Variants in TMEM156 observed in about 807,000 individuals in gnomAD.
The protein encoded by TMEM156 is transmembrane protein 156.
TMEM156 carries 28 observed loss-of-function variants against 30.5 expected under a neutral mutation model. The ratio of observed to expected loss-of-function variants is 0.92; its 90% CI spans 0.68 to 1.26. The LOEUF (loss-of-function observed/expected upper bound fraction) is 1.26, where lower values mean the gene tolerates loss of function less well. Among genes scored for constraint, TMEM156 ranks in the 50% most tolerant of loss-of-function variants. TMEM156 has a pLI of 0.00. For missense variants in TMEM156, 351 were observed against 340.6 expected (o/e 1.03, Z -0.24); for synonymous variants, 137 against 119.9 (o/e 1.14, Z -0.93).
At chr4:38,980,796 G>T in intron 5 of TMEM156, 1 of 330,832 alleles carries the variant, frequency 3.0e-6, no homozygotes, top group Non-Finnish European at 4.3e-6. Flanking sequence ...GAGCAGGTTT[G>T]TAGAGGGTGG....
chr4:38,986,083 C>G lies in TMEM156; in HGVS notation c.823+253G>C, dbSNP rs150456956. On this transcript the variant is annotated intron_variant, in intron 5 of 6. Coordinates refer to ENST00000381938, the MANE Select transcript of TMEM156 (RefSeq NM_024943.3). ...TCTTATCCCTATTGCTTTCTCTCCT[C>G]TGCCTACTCACATGAATTTCTTCTT... Among the ~76,000 whole-genome samples the G allele has an allele frequency of 6.2e-3, 942 of 152,344 alleles. 15 individuals carry two copies. Among genetic ancestry groups the G allele is most frequent in the African/African-American group, 0.021 (888 of 41,588 alleles).
At chr4:38,997,641 T>A (rs1238427462) in intron 2 of TMEM156, among the ~76,000 whole-genome samples, 1 of 152,248 alleles carries the variant, frequency 6.6e-6, no homozygotes, top group Non-Finnish European at 1.5e-5. Context: ...GCATATTTTA[T>A]GATTGTAAAG....
intron 1 of TMEM156, among the ~76,000 whole-genome samples, chr4:39,007,962 G>C (rs1713855950): frequency 6.6e-6 from 1 of 152,012 alleles, no homozygotes. Flanking sequence ...AAATACAATT[G>C]ACCTTTAAAT....
At chr4:39,017,415 G>A (rs776741552) in intron 1 of TMEM156, among the ~76,000 whole-genome samples, 19 of 151,684 alleles carry the variant, frequency 1.3e-4, no homozygotes, top group Non-Finnish European at 2.2e-4. Context: ...TCCTGACCCC[G>A]TGATCCACCT....
chr4:38,988,998 C>G, intron 3 of TMEM156, 28 bp from the exon 4 acceptor site: 5 of 1,599,102 alleles, frequency 3.1e-6, no homozygotes, highest in Non-Finnish European at 4.3e-6. Context: ...ACTGTAAAAA[C>G]CCAGTAAAAT....
chr4:38,992,546 C>T (rs1159983432), intron 3 of TMEM156, among the ~76,000 whole-genome samples: 1 of 150,684 alleles, frequency 6.6e-6, no homozygotes, highest in Non-Finnish European at 1.5e-5. Context: ...CTGTACCTCA[C>T]CCTATCTTCA....
At chr4:38,968,651 A>T (rs1489941441) in intron 6 of TMEM156, among the ~76,000 whole-genome samples, 1 of 152,234 alleles carries the variant, frequency 6.6e-6, no homozygotes, top group Non-Finnish European at 1.5e-5. Context: ...TATTTCATTG[A>T]CACAATCATA....
At chr4:39,029,327 G>A (rs1196729306) in intron 1 of TMEM156, among the ~76,000 whole-genome samples, 1 of 151,846 alleles carries the variant, frequency 6.6e-6, no homozygotes, top group Non-Finnish European at 1.5e-5. Flanking sequence ...ACTAGGCAGG[G>A]GAATTTCACA....
chr4:39,031,905 A>ACC (rs60499521), intron 1 of TMEM156, among the ~76,000 whole-genome samples: 3 of 129,258 alleles, frequency 2.3e-5, no homozygotes, highest in East Asian at 4.5e-4. Context: ...AAATAAAAAA[A>ACC]TAAAAAAAAA....
At chr4:39,009,920 A>G (rs577039012) in intron 1 of TMEM156, among the ~76,000 whole-genome samples, 1 of 152,184 alleles carries the variant, frequency 6.6e-6, no homozygotes, top group East Asian at 1.9e-4. Context: ...AGAGAGAAAT[A>G]AAAGGAATCC....
At position 38,993,789 on chromosome 4, in the gene TMEM156, A is replaced by G. The variant is rs1712718876; in HGVS notation, c.568T>C (p.Tyr190His). The G allele has an allele frequency of 4.3e-6, 7 of 1,613,216 alleles. No homozygotes were observed. The highest frequency in any genetic ancestry group is 5.9e-6 in the Non-Finnish European group (7 of 1,179,194). ...SINYTCRIME[Y>H]PNDCIHISLH... is the part of the protein sequence containing the mutation. The stretch of plus-strand genomic sequence containing the variant: ...GAAATGTGTATACAATCATTCGGGT[A>G]TTCCATGATTCTACAAGTGTAGTTT... The change falls in exon 3 of 7, where the codon TAC becomes CAC. Residue 190 changes from tyrosine to histidine, a missense_variant. Coordinates refer to ENST00000381938, the MANE Select transcript of TMEM156 (RefSeq NM_024943.3).
chr4:39,018,166 A>G (rs1162946757), intron 1 of TMEM156, among the ~76,000 whole-genome samples: 1 of 151,664 alleles, frequency 6.6e-6, no homozygotes, highest in Non-Finnish European at 1.5e-5. Context: ...CTATTATTTT[A>G]GTAGTTACCA....
chr4:39,030,204 C>T (rs142238520), intron 1 of TMEM156, among the ~76,000 whole-genome samples: 268 of 149,910 alleles, frequency 1.8e-3, no homozygotes, highest in African/African-American at 6.0e-3. Flanking sequence ...AACCCATCAA[C>T]CCAGAAAGAG....
At chr4:38,974,329 C>A (rs1722748795) in intron 5 of TMEM156, among the ~76,000 whole-genome samples, 1 of 151,602 alleles carries the variant, frequency 6.6e-6, no homozygotes, top group South Asian at 2.1e-4. Flanking sequence ...CTCAGCCTTG[C>A]AAAGCCCTGA....
At chr4:38,975,066 C>T (rs184591125) in intron 5 of TMEM156, among the ~76,000 whole-genome samples, 26 of 152,164 alleles carry the variant, frequency 1.7e-4, no homozygotes, top group Non-Finnish European at 3.4e-4. Flanking sequence ...TAGATGTCTA[C>T]GGAAAAACTA....
At chr4:39,012,661 C>A (rs1277477796) in intron 1 of TMEM156, among the ~76,000 whole-genome samples, 1 of 152,142 alleles carries the variant, frequency 6.6e-6, no homozygotes, top group Non-Finnish European at 1.5e-5. Context: ...CAAAAATAGA[C>A]CGGGCATGGT....
intron 3 of TMEM156, among the ~76,000 whole-genome samples, chr4:38,991,525 C>A (rs1042045114): frequency 7.2e-5 from 11 of 152,016 alleles, no homozygotes; most frequent in Non-Finnish European, 1.2e-4. Context: ...TGCCCAGCCA[C>A]CTTTAACTTT....
chr4:38,987,239 C>T (rs989166040), intron 4 of TMEM156, among the ~76,000 whole-genome samples: 4 of 152,194 alleles, frequency 2.6e-5, no homozygotes, highest in African/African-American at 7.2e-5. Flanking sequence ...TACCCTACAT[C>T]TTAGTTCTGA....
intron 1 of TMEM156, among the ~76,000 whole-genome samples, chr4:39,020,857 A>G (rs1714820542): frequency 6.6e-6 from 1 of 151,938 alleles, no homozygotes; most frequent in Non-Finnish European, 1.5e-5. Flanking sequence ...CTAATTTTGA[A>G]TTTTTTGAGG....
Sources: allele counts gnomAD v4.1 joint callset (sites outside exome capture counted in the v4.1 genomes callset), GRCh38; gene constraint gnomAD v4.1.1; transcripts MANE v1.5; gene names NCBI Gene and HGNC (gene_info 2026-07-23, HGNC 2026-07-21).